Variants in SRD5A1 observed in about 807,000 individuals in gnomAD.
SRD5A1 encodes the protein steroid 5 alpha-reductase 1.
A neutral mutation model predicts 28.2 loss-of-function variants in SRD5A1; 22 were observed. That is an observed-to-expected ratio of 0.78 (90% confidence interval 0.56 to 1.12). The LOEUF is 1.12. Among genes scored for constraint, SRD5A1 ranks in the 50% most tolerant of loss-of-function variants. SRD5A1 has a pLI of 0.00. For synonymous variants in SRD5A1, 151 were observed against 135.0 expected, an observed-to-expected ratio of 1.12 and a Z score of -0.82; for missense variants, 300 against 346.7, an observed-to-expected ratio of 0.87 and a Z score of 1.07.
In SRD5A1 at chr5:6,673,872, T is replaced by C. The variant is rs1456812696; in HGVS notation, c.*5604T>C. The stretch of plus-strand genomic sequence containing the variant: ...AAAAAGCCAGTTTGCAAAGGCTAGA[T>C]ACTATATGATCCCAACTGTATAACA... On this transcript the variant is annotated 3_prime_UTR_variant, in exon 5 of 5. Transcript: ENST00000274192. The C allele has an allele frequency of 1.3e-5, 2 of 152,150 alleles. No individual in the cohort carries two copies. Among genetic ancestry groups the C allele is most frequent in the Admixed American group, 6.5e-5 (1 of 15,278 alleles). 9.4% of individuals were successfully genotyped at this position (152,150 alleles called of 1,614,324 possible).
chr5:6,672,106 C>G lies in SRD5A1; in HGVS notation c.*3838C>G, dbSNP rs753127310. 6.6e-6 allele frequency: 1 copy of G among 152,248 alleles called. No individual in the cohort carries two copies. The highest frequency in any genetic ancestry group is 1.5e-5 in the Non-Finnish European group (1 of 68,086). The allele number at this position is 152,248 out of a possible 1,614,324, so 9.4% of individuals were successfully genotyped here. ...GCTCCCATTTATGATCTTGGGCCAA[C>G]AGCCACCAGCCTCTGTTCATGCAGT... On this transcript the variant is annotated 3_prime_UTR_variant, in exon 5 of 5. Coordinates refer to ENST00000274192, the MANE Select transcript of SRD5A1 (RefSeq NM_001047.4).
chr5:6,658,141 A>G (rs758998608), intron 3 of SRD5A1, among the ~76,000 whole-genome samples: 2 of 152,148 alleles, frequency 1.3e-5, no homozygotes, highest in East Asian at 3.9e-4. Flanking sequence ...CCTGGCCAAC[A>G]TGGTAAAACC....
chr5:6,659,646 C>T (rs1018910611), intron 3 of SRD5A1, among the ~76,000 whole-genome samples: 10 of 152,146 alleles, frequency 6.6e-5, no homozygotes, highest in Admixed American at 1.3e-4. Context: ...GAAACAGTGA[C>T]GATCATCTGC....
chr5:6,652,115 C>A, intron 2 of SRD5A1, 107 bp downstream of exon 2: 1 of 1,309,796 alleles, frequency 7.6e-7, no homozygotes, highest in Non-Finnish European at 1.0e-6. Context: ...AGAACAAAGA[C>A]AACAGAGAAA....
At chr5:6,637,247 C>A (rs1738212188) in intron 1 of SRD5A1, among the ~76,000 whole-genome samples, 1 of 152,158 alleles carries the variant, frequency 6.6e-6, no homozygotes, top group Admixed American at 6.5e-5. Flanking sequence ...ACTCCTATCA[C>A]CTTTGCCCTC....
At position 6,651,997 on chromosome 5, in the gene SRD5A1, G is replaced by T; in HGVS notation, c.449G>T (p.Arg150Leu). ...GCTGATGACTGGGTAACAGATCCCC[G>T]TTTTCTAATAGGTGAGTGTCCACAG... is the stretch of plus-strand genomic sequence containing the variant. ...VYADDWVTDP[R>L]FLIGFGLWLT... Residue 150 changes from arginine to leucine, a missense_variant, in exon 2 of 5, where the codon CGT becomes CTT. Physicochemically the swap from Arg to Leu is moderately radical, Grantham distance 102. Around this residue, in one of 2 missense-constraint regions of SRD5A1, gnomAD observed 126 missense variants for 185.7 expected, o/e 0.68. Coordinates refer to ENST00000274192, the MANE Select transcript of SRD5A1 (RefSeq NM_001047.4). 1 of 1,612,888 alleles carries T rather than the reference G, an allele frequency of 6.2e-7. No individual in the cohort carries two copies. Among genetic ancestry groups the T allele is most frequent in the Non-Finnish European group, 8.5e-7 (1 of 1,179,226 alleles).
chr5:6,639,780 T>C (rs948569030), intron 1 of SRD5A1, among the ~76,000 whole-genome samples: 7 of 152,220 alleles, frequency 4.6e-5, no homozygotes, highest in Non-Finnish European at 1.0e-4. Flanking sequence ...CAATATTGTA[T>C]GTGAACAAAC....
At chr5:6,650,245 A>C (rs1285250875) in intron 1 of SRD5A1, among the ~76,000 whole-genome samples, 2 of 151,804 alleles carry the variant, frequency 1.3e-5, no homozygotes, top group Admixed American at 1.3e-4. Flanking sequence ...CTGTCTCTAC[A>C]AAAAAAAGTT....
intron 3 of SRD5A1, among the ~76,000 whole-genome samples, chr5:6,660,294 G>A (rs574649720): frequency 6.2e-4 from 94 of 152,276 alleles, no homozygotes; most frequent in African/African-American, 2.1e-3. Context: ...CCACCCATAC[G>A]GTTCCACCAC....
chr5:6,637,972 G>A (rs2677932), intron 1 of SRD5A1, among the ~76,000 whole-genome samples: 3,639 of 152,328 alleles, frequency 0.024, 159 homozygotes, highest in African/African-American at 0.082. Flanking sequence ...ATGTGCGGTG[G>A]GTAATGTTAA....
chr5:6,659,224 T>C (rs915486538), intron 3 of SRD5A1, among the ~76,000 whole-genome samples: 4 of 151,966 alleles, frequency 2.6e-5, no homozygotes, highest in Non-Finnish European at 2.9e-5. Flanking sequence ...CGCCATTCTC[T>C]TGCCTCAGCC....
rs1739382235 is a variant in SRD5A1, at chr5:6,672,243, G to A, written c.*3975G>A. Reference sequence around the variant, plus strand: ...CCCAAGTGTCCTGGTAAAGCTAGCTGTTGATACTCCTGACTGTTGCATTAT... The same window carrying A: ...CCCAAGTGTCCTGGTAAAGCTAGCTATTGATACTCCTGACTGTTGCATTAT... On this transcript the variant is annotated 3_prime_UTR_variant, in exon 5 of 5. Coordinates refer to ENST00000274192, the MANE Select transcript of SRD5A1 (RefSeq NM_001047.4). 1 of 152,276 alleles carries A rather than the reference G, an allele frequency of 6.6e-6. No homozygotes were observed. Among genetic ancestry groups the A allele is most frequent in the South Asian group, 2.1e-4 (1 of 4,824 alleles). The allele number at this position is 152,276 out of a possible 1,614,324, so 9.4% of individuals were successfully genotyped here. A position where few individuals can be genotyped will look rare whatever the true frequency, so the allele number is the denominator to read the frequency against.
chr5:6,653,518 A>G (rs182997245), intron 2 of SRD5A1: 38 of 152,210 alleles, frequency 2.5e-4, no homozygotes, highest in African/African-American at 4.3e-4. Context: ...TGAGGCAGAA[A>G]GGATGTCCCT....
intron 3 of SRD5A1, among the ~76,000 whole-genome samples, chr5:6,657,239 T>C (rs1032986902): frequency 6.6e-6 from 1 of 152,180 alleles, no homozygotes; most frequent in Non-Finnish European, 1.5e-5. Flanking sequence ...CAAAGCCAGC[T>C]CCAGACGTGA....
Position 6,637,106 on chromosome 5 carries a change from C to T in SRD5A1, c.293+3237C>T, listed in dbSNP as rs181243573. Among the ~76,000 whole-genome samples the T allele has an allele frequency of 7.0e-4, 107 of 152,192 alleles. 1 individual carries two copies. The highest frequency in any genetic ancestry group is 5.2e-3 in the Admixed American group (80 of 15,298). The stretch of plus-strand genomic sequence containing the variant: ...GCGCTTGGGTTCTTGGGTGCAGGGG[C>T]GGCAGCGTCTCACTGGGGCCCTAGT... On this transcript the variant is annotated intron_variant, in intron 1 of 4. Coordinates refer to ENST00000274192, the MANE Select transcript of SRD5A1 (RefSeq NM_001047.4).
rs751565473 is a variant in SRD5A1, at chr5:6,633,814, C to T, written c.238C>T (p.Arg80Cys). 6.3e-6 allele frequency: 10 copies of T among 1,597,964 alleles called. No homozygotes were observed. In the South Asian group the frequency reaches 1.1e-4, roughly 18 times the overall value. ...QYASESAPRL[R>C]SAPNCILLAM... is the part of the protein sequence containing the mutation. ...CGCCAGCGAGTCCGCCCCGCGTCTC[C>T]GCAGCGCGCCCAACTGCATCCTCCT... The change falls in exon 1 of 5, where the codon CGC (arginine) becomes TGC (cysteine). Residue 80 changes from arginine to cysteine, a missense_variant. Transcript: ENST00000274192.
intron 1 of SRD5A1, chr5:6,645,137 G>C (rs1369860433): frequency 2.6e-6 from 1 of 382,630 alleles, no homozygotes; most frequent in African/African-American, 2.1e-5. Context: ...GAGTTAAGTG[G>C]GAGTGCTGGG....
Position 6,638,363 on chromosome 5 carries a change from C to T in SRD5A1, c.293+4494C>T, listed in dbSNP as rs76611249. 4.1e-3 allele frequency among the ~76,000 whole-genome samples: 629 copies of T among 152,308 alleles called. 29 individuals are homozygous for T. In the East Asian group the frequency reaches 0.1, roughly 24 times the overall value. Reference sequence around the variant, plus strand: ...GAGCAGACCAATTCATGAATCAGCACCAAACCACAAGCAGTATGAGCTCCA... The same window carrying T: ...GAGCAGACCAATTCATGAATCAGCATCAAACCACAAGCAGTATGAGCTCCA... On this transcript the variant is annotated intron_variant, in intron 1 of 4. Coordinates refer to ENST00000274192, the MANE Select transcript of SRD5A1 (RefSeq NM_001047.4).
chr5:6,647,948 T>C (rs1326358556), intron 1 of SRD5A1, among the ~76,000 whole-genome samples: 1 of 152,216 alleles, frequency 6.6e-6, no homozygotes, highest in African/African-American at 2.4e-5. Context: ...CAGGAGCTCT[T>C]GTAAGGCAGT....
Sources: gnomAD v4.1 joint callset for allele counts (sites outside exome capture counted in the v4.1 genomes callset) on GRCh38, gnomAD v4.1.1 for gene constraint, gnomAD v4.1.1 regional missense constraint, MANE v1.5 for transcripts, NCBI Gene and HGNC (gene_info 2026-07-23, HGNC 2026-07-21) for gene names.